Variants in TAFA2 observed in about 807,000 individuals in gnomAD.
The protein encoded by TAFA2 is TAFA chemokine like family member 2, also known as chemokine-like protein TAFA-2.
A neutral mutation model predicts 18.8 loss-of-function variants in TAFA2; 7 were observed. That is an observed-to-expected ratio of 0.37 (90% CI 0.21 to 0.70). The LOEUF is 0.70. Among genes scored for constraint, TAFA2 ranks in the 30% least tolerant of loss-of-function variants. TAFA2 has a pLI of 0.53. For missense variants in TAFA2, 122 were observed against 158.1 expected, an observed-to-expected ratio of 0.77 and a Z score of 1.23; for synonymous variants, 60 against 54.2, an observed-to-expected ratio of 1.11 and a Z score of -0.47.
chr12:61,858,008 C>G (rs1250811003), intron 2 of TAFA2, among the ~76,000 whole-genome samples: 1 of 152,154 alleles, frequency 6.6e-6, no homozygotes, highest in Non-Finnish European at 1.5e-5. Context: ...AGCAGAGAGT[C>G]TAGCAGTGTT....
intron 2 of TAFA2, among the ~76,000 whole-genome samples, chr12:61,827,425 T>C (rs1027008464): frequency 5.9e-5 from 9 of 152,192 alleles, no homozygotes; most frequent in Admixed American, 2.0e-4. Flanking sequence ...CTACCATTAC[T>C]TGTTCCTAGA....
intron 1 of TAFA2, among the ~76,000 whole-genome samples, chr12:61,984,051 A>G (rs577106138): frequency 1.4e-4 from 21 of 152,262 alleles, no homozygotes; most frequent in African/African-American, 4.3e-4. Flanking sequence ...ACTCATATAA[A>G]CACGCACTCA....
At chr12:61,821,406 C>G (rs1489015902) in intron 2 of TAFA2, among the ~76,000 whole-genome samples, 1 of 151,994 alleles carries the variant, frequency 6.6e-6, no homozygotes, top group Non-Finnish European at 1.5e-5. Flanking sequence ...AATAAAAGTT[C>G]TCTTCCAGAA....
chr12:62,243,993 T>C (rs1053882152), intron 1 of TAFA2, among the ~76,000 whole-genome samples: 2 of 152,134 alleles, frequency 1.3e-5, no homozygotes, highest in Non-Finnish European at 2.9e-5. Flanking sequence ...TCTCACTATG[T>C]TGCCCAGGCT....
chr12:61,837,061 T>C (rs565598771), intron 2 of TAFA2, among the ~76,000 whole-genome samples: 1 of 151,846 alleles, frequency 6.6e-6, no homozygotes, highest in South Asian at 2.1e-4. Flanking sequence ...ATTTTCACAT[T>C]AAAACTTCAG....
chr12:62,091,099 A>G (rs1358107991), intron 1 of TAFA2, among the ~76,000 whole-genome samples: 1 of 151,932 alleles, frequency 6.6e-6, no homozygotes, highest in East Asian at 1.9e-4. Context: ...AGAAACAGGT[A>G]CCTCCTTTTC....
At chr12:61,730,003 T>C (rs187799075) in intron 4 of TAFA2, among the ~76,000 whole-genome samples, 64 of 152,246 alleles carry the variant, frequency 4.2e-4, no homozygotes, top group Non-Finnish European at 6.8e-4. Flanking sequence ...CTTCTGGATC[T>C]AGCCATCCAG....
intron 2 of TAFA2, among the ~76,000 whole-genome samples, chr12:61,839,208 A>T (rs1461086389): frequency 1.3e-5 from 2 of 152,114 alleles, no homozygotes; most frequent in Non-Finnish European, 2.9e-5. Flanking sequence ...AGATGCAAAG[A>T]TGCAGATGAA....
At chr12:61,780,290 C>A (rs1870449434) in intron 2 of TAFA2, among the ~76,000 whole-genome samples, 1 of 151,780 alleles carries the variant, frequency 6.6e-6, no homozygotes, top group African/African-American at 2.4e-5. Context: ...TCAATCAAAT[C>A]AGTAAGAACC....
At chr12:61,838,886 G>A (rs1040435343) in intron 2 of TAFA2, among the ~76,000 whole-genome samples, 1 of 151,930 alleles carries the variant, frequency 6.6e-6, no homozygotes, top group African/African-American at 2.4e-5. Flanking sequence ...GGTGGCTGCT[G>A]GCATCTAATT....
At chr12:61,846,465 T>C (rs1873410292) in intron 2 of TAFA2, among the ~76,000 whole-genome samples, 1 of 152,158 alleles carries the variant, frequency 6.6e-6, no homozygotes, top group African/African-American at 2.4e-5. Context: ...GCATTCTCAC[T>C]AACAAGACAA....
At chr12:62,131,542 C>T (rs951364158) in intron 1 of TAFA2, among the ~76,000 whole-genome samples, 4 of 151,994 alleles carry the variant, frequency 2.6e-5, no homozygotes, top group South Asian at 2.1e-4. Context: ...ATTGGCTTCC[C>T]AGGCCATTTC....
chr12:61,781,062 T>C (rs1411138144), intron 2 of TAFA2, among the ~76,000 whole-genome samples: 1 of 151,750 alleles, frequency 6.6e-6, no homozygotes, highest in Non-Finnish European at 1.5e-5. Context: ...ATTAAGTTTT[T>C]CTAAAAAGGA....
At chr12:61,828,020 A>G (rs1872587177) in intron 2 of TAFA2, among the ~76,000 whole-genome samples, 1 of 151,944 alleles carries the variant, frequency 6.6e-6, no homozygotes, top group Admixed American at 6.6e-5. Context: ...TAAATGTGAG[A>G]ATGTTTTTGA....
At chr12:62,108,727 C>T (rs1214033092) in intron 1 of TAFA2, among the ~76,000 whole-genome samples, 2 of 152,218 alleles carry the variant, frequency 1.3e-5, no homozygotes, top group African/African-American at 4.8e-5. Flanking sequence ...TTGCATTTCT[C>T]TAATGACCAG....
At chr12:61,993,909 T>G (rs1378395596) in intron 1 of TAFA2, among the ~76,000 whole-genome samples, 1 of 152,050 alleles carries the variant, frequency 6.6e-6, no homozygotes, top group Non-Finnish European at 1.5e-5. Context: ...GTGCTCCCTC[T>G]CTCATAACAC....
chr12:61,765,277 G>T (rs142422039), intron 2 of TAFA2, among the ~76,000 whole-genome samples: 126 of 152,174 alleles, frequency 8.3e-4, no homozygotes, highest in African/African-American at 2.7e-3. Context: ...AGATTGCAGA[G>T]CTACCATAAA....
intron 1 of TAFA2, among the ~76,000 whole-genome samples, chr12:61,985,470 T>C (rs556156672): frequency 1.3e-5 from 2 of 152,176 alleles, no homozygotes; most frequent in Non-Finnish European, 2.9e-5. Context: ...GAATGCTGTA[T>C]AGTTATTAGG....
intron 1 of TAFA2, among the ~76,000 whole-genome samples, chr12:62,110,328 C>A (rs750299723): frequency 6.6e-6 from 1 of 152,016 alleles, no homozygotes; most frequent in Non-Finnish European, 1.5e-5. Context: ...GAGATGAAGC[C>A]GACTTGATGG....
Sources: gnomAD v4.1 joint callset for allele counts (sites outside exome capture counted in the v4.1 genomes callset) on GRCh38, gnomAD v4.1.1 for gene constraint, MANE v1.5 for transcripts, NCBI Gene and HGNC (gene_info 2026-07-23, HGNC 2026-07-21) for gene names.